ESR2: variants seen among roughly 807,000 people sequenced by gnomAD.
The protein encoded by ESR2 is estrogen receptor beta.
A neutral mutation model predicts 49.6 loss-of-function variants in ESR2; 36 were observed. The ratio of observed to expected loss-of-function variants is 0.73; its 90% CI spans 0.56 to 0.96. The LOEUF (loss-of-function observed/expected upper bound fraction) is 0.96, where lower values mean the gene tolerates loss of function less well. Ranked by LOEUF, ESR2 falls within the 40% of genes least tolerant of loss-of-function variation. The pLI, the probability that ESR2 is intolerant of heterozygous loss-of-function variation, is 0.00. For missense variants in ESR2, 714 were observed against 693.0 expected (o/e 1.03, Z -0.34); for synonymous variants, 320 against 266.1 (o/e 1.20, Z -1.97).
chr14:64,282,811 G>C lies in ESR2; in HGVS notation c.175C>G (p.Pro59Ala). 6.2e-7 allele frequency: 1 copy of C among 1,614,200 alleles called. No homozygotes were observed. Among genetic ancestry groups the C allele is most frequent in the Non-Finnish European group, 8.5e-7 (1 of 1,180,006 alleles). The change falls in exon 2 of 9, where the codon CCC (proline) becomes GCC (alanine). Residue 59 changes from proline to alanine, a missense_variant. Physicochemically the swap from Pro to Ala is conservative, Grantham distance 27. Transcript: ENST00000341099. ...CCTTCCAAGTTAGTGACATTGCTGG[G>C]AATGCTGTAATTCATCACAGCAGGG... ...YSPAVMNYSI[P>A]SNVTNLEGGP...
In ESR2 at chr14:64,335,682, G is replaced by A. The variant is rs548437602; in HGVS notation, c.-91+2216C>T. ...ATGAAAGTTCAGGGGACACAATTCC[G>A]TCTATAGCAGCTATCTCCCATATCT... is the stretch of plus-strand genomic sequence containing the variant. On this transcript the variant is annotated intron_variant, in intron 1 of 8. Transcript: ENST00000358599. 1.7e-4 allele frequency among the ~76,000 whole-genome samples: 25 copies of A among 150,008 alleles called. No individual in the cohort carries two copies. The South Asian group carries it at 1.9e-3, about 11-fold the overall frequency.
chr14:64,292,364 G>C (rs1009923592), intron 1 of ESR2, among the ~76,000 whole-genome samples: 1 of 152,164 alleles, frequency 6.6e-6, no homozygotes, highest in Non-Finnish European at 1.5e-5. Flanking sequence ...TGGGGTAATG[G>C]AACTGTTCTG....
chr14:64,282,482 T>C (rs1276568758), intron 2 of ESR2, 142 bp downstream of exon 2: 5 of 805,066 alleles, frequency 6.2e-6, no homozygotes, highest in Non-Finnish European at 9.7e-6. Flanking sequence ...GAACAGGGCA[T>C]CCTGTGTTTT....
intron 1 of ESR2, among the ~76,000 whole-genome samples, chr14:64,292,327 G>A (rs2076885839): frequency 6.6e-6 from 1 of 152,148 alleles, no homozygotes; most frequent in Non-Finnish European, 1.5e-5. Flanking sequence ...GGGGCAGTGG[G>A]GTAGGTAGAG....
At chr14:64,271,864 T>A (rs1215637787) in intron 3 of ESR2, among the ~76,000 whole-genome samples, 1 of 152,254 alleles carries the variant, frequency 6.6e-6, no homozygotes, top group African/African-American at 2.4e-5. Context: ...GCAACAAACA[T>A]GGGACTGCAG....
At chr14:64,256,161 A>G (rs2076091357) in intron 6 of ESR2, among the ~76,000 whole-genome samples, 1 of 152,234 alleles carries the variant, frequency 6.6e-6, no homozygotes, top group Non-Finnish European at 1.5e-5. Flanking sequence ...ATCAATTTCC[A>G]AGAAGATTTC....
rs142120594 is a variant in ESR2, at chr14:64,321,310, C to CA, written c.-91+16587dup. The stretch of plus-strand genomic sequence containing the variant: ...GAAGAGGGCATTAATTGTCTAGAAG[C>CA]AAAAAAAAAAAAAAATCTTTTTTGG... On this transcript the variant is annotated intron_variant, in intron 1 of 8. Coordinates refer to the ESR2 transcript ENST00000358599. 4.5e-3 allele frequency among the ~76,000 whole-genome samples: 516 copies of CA among 114,492 alleles called. 1 individual carries two copies. Among genetic ancestry groups the CA allele is most frequent in the African/African-American group, 0.01 (314 of 30,522 alleles). 75.1% of individuals were successfully genotyped at this position (114,492 alleles called of 152,430 possible). A position where few individuals can be genotyped will look rare whatever the true frequency, so the allele number is the denominator to read the frequency against.
At chr14:64,325,915 AAGTCTTCCAGTCAACAAC>A (rs1160988292) in intron 1 of ESR2, among the ~76,000 whole-genome samples, 1 of 151,976 alleles carries the variant, frequency 6.6e-6, no homozygotes, top group East Asian at 1.9e-4. Context: ...TATTACTGGT[AAGTCTTCCAGTCAACAAC>A]AGGTTATTAG....
upstream of ESR2, among the ~76,000 whole-genome samples, chr14:64,294,968 G>A (rs796736891): frequency 1.3e-4 from 20 of 152,298 alleles, 1 homozygote; most frequent in African/African-American, 4.6e-4. Context: ...CTCCGGCCAC[G>A]GCGCCCTTCT....
At chr14:64,303,305 G>A (rs1001748515) in intron 1 of ESR2, among the ~76,000 whole-genome samples, 7 of 151,712 alleles carry the variant, frequency 4.6e-5, no homozygotes, top group Non-Finnish European at 8.8e-5. Flanking sequence ...CTTGTTTTGG[G>A]TGCATGGCTC....
Position 64,266,390 on chromosome 14 carries a change from G to A in ESR2, c.652+2405C>T, listed in dbSNP as rs939256333. ...AGTAGTTTGAGCACAGTTACAGTCA[G>A]CAGGAAGTGATGAAACGAAAATGAA... is the stretch of plus-strand genomic sequence containing the variant. On this transcript the variant is annotated intron_variant, in intron 4 of 8. Transcript: ENST00000341099. 3.3e-5 allele frequency among the ~76,000 whole-genome samples: 5 copies of A among 152,222 alleles called. No individual in the cohort carries two copies. The East Asian group carries it at 9.6e-4, about 29-fold the overall frequency.
At chr14:64,338,372 C>T (rs1365048138), upstream of ESR2, 1 of 154,904 alleles carries the variant, frequency 6.5e-6, no homozygotes, top group Admixed American at 6.5e-5. Flanking sequence ...GGGCCCAGAC[C>T]CAGGCACTCC....
At chr14:64,281,558 T>C (rs1263457047) in intron 2 of ESR2, among the ~76,000 whole-genome samples, 1 of 152,222 alleles carries the variant, frequency 6.6e-6, no homozygotes, top group Non-Finnish European at 1.5e-5. Flanking sequence ...GCAATGTTAC[T>C]GTCTCAAAGT....
intron 1 of ESR2, among the ~76,000 whole-genome samples, chr14:64,334,770 C>T (rs1191740997): frequency 6.6e-6 from 1 of 152,230 alleles, no homozygotes; most frequent in African/African-American, 2.4e-5. Flanking sequence ...CCTTGGCCTC[C>T]CAAGTAGCTC....
At chr14:64,266,604 T>C (rs1335125566) in intron 4 of ESR2, among the ~76,000 whole-genome samples, 2 of 152,260 alleles carry the variant, frequency 1.3e-5, no homozygotes, top group African/African-American at 4.8e-5. Context: ...AAACATTTAT[T>C]TGCAATCTTT....
intron 1 of ESR2, among the ~76,000 whole-genome samples, chr14:64,321,890 T>C (rs562254368): frequency 7.9e-5 from 12 of 152,088 alleles, no homozygotes; most frequent in South Asian, 4.2e-4. Flanking sequence ...GTGGGAACAA[T>C]AGACACTGGG....
chr14:64,317,691 T>C lies in ESR2; in HGVS notation c.-91+20207A>G, dbSNP rs145614748. Among the ~76,000 whole-genome samples the C allele has an allele frequency of 3.2e-3, 485 of 152,270 alleles. 1 individual carries two copies. Among genetic ancestry groups the C allele is most frequent in the African/African-American group, 0.011 (464 of 41,548 alleles). ...CAATATCAGGCCTTAATTCCAGAGA[T>C]GCAAGGGTGGTTCAACCTTCAAAAA... is the stretch of plus-strand genomic sequence containing the variant. On this transcript the variant is annotated intron_variant, in intron 1 of 8. Transcript: ENST00000358599.
At chr14:64,301,126 A>T (rs1464229573) in intron 1 of ESR2, among the ~76,000 whole-genome samples, 1 of 152,184 alleles carries the variant, frequency 6.6e-6, no homozygotes, top group East Asian at 1.9e-4. Flanking sequence ...AGAGGGTTCA[A>T]ACCAGATCTG....
chr14:64,233,620 T>C (rs2098729514), intron 8 of ESR2: 1 of 346,516 alleles, frequency 2.9e-6, no homozygotes, highest in Non-Finnish European at 5.4e-6. Context: ...CTGTGAACAC[T>C]GAATCCTCAC....
Sources: allele counts gnomAD v4.1 joint callset (sites outside exome capture counted in the v4.1 genomes callset), GRCh38; gene constraint gnomAD v4.1.1; transcripts MANE v1.5; gene names NCBI Gene and HGNC (gene_info 2026-07-23, HGNC 2026-07-21).